PRSS41: variants seen among roughly 807,000 people sequenced by gnomAD.
The protein encoded by PRSS41 is protease, serine 41.
A neutral mutation model predicts 28.8 loss-of-function variants in PRSS41; 37 were observed. The observed-to-expected ratio is 1.29, with a 90% confidence interval of 0.99 to 1.69. The LOEUF is 1.69. PRSS41 is among the 40% of genes most tolerant of loss of function. The probability of loss-of-function intolerance (pLI) is 0.00; values close to 1 mark genes in which losing one functional copy is unlikely to be tolerated. For missense variants in PRSS41, 431 were observed against 400.7 expected, an observed-to-expected ratio of 1.08 and a Z score of -0.65; for synonymous variants, 195 against 163.1, an observed-to-expected ratio of 1.20 and a Z score of -1.49.
At position 2,800,466 on chromosome 16, in the gene PRSS41, G is replaced by A. The variant is rs536045857; in HGVS notation, c.541+897G>A. ...TGAGGCAGGAGAATCGCTTGAACCC[G>A]TGAGGGGCAGAGGTTTCAGCGAGCC... On this transcript the variant is annotated intron_variant, in intron 4 of 5. Transcript: ENST00000399677. Among the ~76,000 whole-genome samples the A allele has an allele frequency of 1.5e-3, 221 of 150,392 alleles. 7 individuals carry two copies. The South Asian group carries it at 0.037, about 25-fold the overall frequency.
chr16:2,804,939 G>C (rs764218060), exon 6 of PRSS41: 1 of 1,588,138 alleles, frequency 6.3e-7, no homozygotes, highest in Admixed American at 1.8e-5. Context: ...CCCTTGGTCT[G>C]TGACAAGGAT....
chr16:2,799,356 C>T (rs966690960), exon 4 of PRSS41: 17 of 1,551,812 alleles, frequency 1.1e-5, no homozygotes, highest in East Asian at 2.4e-5. Flanking sequence ...TTGGAACCTG[C>T]GGGCCTACAG....
intron 4 of PRSS41, 150 bp from the exon 5 acceptor site, chr16:2,804,239 T>G (rs1333172512): frequency 1.5e-5 from 11 of 717,608 alleles, no homozygotes; most frequent in Non-Finnish European, 4.5e-6. Flanking sequence ...TTTGATGCAC[T>G]GGGTGCTGGG....
chr16:2,802,554 G>A (rs2068996147), intron 4 of PRSS41, among the ~76,000 whole-genome samples: 2 of 152,162 alleles, frequency 1.3e-5, no homozygotes, highest in Admixed American at 6.5e-5. Context: ...AGGTTGTAGC[G>A]AGCCGAGATC....
At chr16:2,799,627 T>C in intron 4 of PRSS41, 58 bp downstream of exon 4, 1 of 1,497,262 alleles carries the variant, frequency 6.7e-7, no homozygotes, top group Non-Finnish European at 9.0e-7. Context: ...CATTACCCTC[T>C]ACCCCTGTTC....
At chr16:2,802,252 G>A (rs1197918306) in intron 4 of PRSS41, among the ~76,000 whole-genome samples, 1 of 150,570 alleles carries the variant, frequency 6.6e-6, no homozygotes, top group Non-Finnish European at 1.5e-5. Context: ...TGGGGCGGCG[G>A]GGCAGAGGCG....
chr16:2,804,637 A>C, intron 5 of PRSS41, 91 bp downstream of exon 5: 1 of 1,252,238 alleles, frequency 8.0e-7, no homozygotes, highest in Non-Finnish European at 1.1e-6. Flanking sequence ...CTCCCAACCC[A>C]TTGCTTAGAT....
exon 5 of PRSS41, chr16:2,804,506 T>G (rs61747737): frequency 0.074 from 114,278 of 1,551,162 alleles, 4,919 homozygotes; most frequent in Non-Finnish European, 0.087. Flanking sequence ...GATTCCATGT[T>G]TTGTGCTGGT....
chr16:2,804,983 G>A, exon 6 of PRSS41: 4 of 1,585,340 alleles, frequency 2.5e-6, no homozygotes, highest in South Asian at 1.2e-5. Context: ...CGTGAGCTGG[G>A]GAATGGACTG....
intron 2 of PRSS41, 80 bp from the exon 3 acceptor site, chr16:2,798,879 C>T (rs929598789): frequency 2.8e-6 from 4 of 1,424,466 alleles, no homozygotes; most frequent in Non-Finnish European, 1.8e-6. Context: ...CTGCGCGCAC[C>T]CCGGGGCAAA....
chr16:2,799,387 A>G, exon 4 of PRSS41: 1 of 1,552,042 alleles, frequency 6.4e-7, no homozygotes. Flanking sequence ...AAAGTGCAGG[A>G]CATCATTGTG....
At position 2,801,929 on chromosome 16, in the gene PRSS41, G is replaced by A. The variant is rs1327769922; in HGVS notation, c.541+2360G>A. ...CCAGTAGGGGCGGCCGGGCAGAGGC[G>A]CCCCTCACCTCCCGGACGGGGCGGC... On this transcript the variant is annotated intron_variant, in intron 4 of 5. Transcript: ENST00000399677. 4.3e-3 allele frequency among the ~76,000 whole-genome samples: 638 copies of A among 148,856 alleles called. 4 individuals are homozygous for A. The highest frequency in any genetic ancestry group is 0.015 in the African/African-American group (604 of 40,388).
At chr16:2,801,270 A>G (rs1185161786) in intron 4 of PRSS41, among the ~76,000 whole-genome samples, 1 of 151,750 alleles carries the variant, frequency 6.6e-6, no homozygotes, top group East Asian at 1.9e-4. Flanking sequence ...GAAGATATTT[A>G]TGATTGGTAT....
exon 4 of PRSS41, chr16:2,799,393 T>C (rs748105563): frequency 6.4e-6 from 10 of 1,551,960 alleles, no homozygotes; most frequent in Admixed American, 3.9e-5. Context: ...CAGGACATCA[T>C]TGTGAACCCT....
At chr16:2,803,767 T>C (rs2069003924) in intron 4 of PRSS41, among the ~76,000 whole-genome samples, 1 of 152,252 alleles carries the variant, frequency 6.6e-6, no homozygotes, top group African/African-American at 2.4e-5. Flanking sequence ...TTTGGTTATC[T>C]GAGAATGTCT....
chr16:2,801,960 G>T (rs1445483888), intron 4 of PRSS41, among the ~76,000 whole-genome samples: 2 of 148,714 alleles, frequency 1.3e-5, no homozygotes, highest in African/African-American at 2.5e-5. Context: ...GCGGCTGGCC[G>T]GGCGGGGGGC....
At chr16:2,800,293 C>T (rs2068977498) in intron 4 of PRSS41, among the ~76,000 whole-genome samples, 1 of 152,176 alleles carries the variant, frequency 6.6e-6, no homozygotes, top group Admixed American at 6.5e-5. Context: ...ATAATCCCAG[C>T]ACTTTGGGAG....
At chr16:2,805,238 A>G (rs2069014379) in exon 6 of PRSS41, 1 of 842,124 alleles carries the variant, frequency 1.2e-6, no homozygotes, top group African/African-American at 1.7e-5. Context: ...CAGGGTTGGG[A>G]CTGCCTGCTG....
chr16:2,802,506 G>T (rs535965882), intron 4 of PRSS41, among the ~76,000 whole-genome samples: 4 of 151,994 alleles, frequency 2.6e-5, no homozygotes, highest in South Asian at 4.2e-4. Flanking sequence ...CTGCAATCTC[G>T]GCACTTTGGG....
Sources: gnomAD v4.1 joint callset for allele counts (sites outside exome capture counted in the v4.1 genomes callset) on GRCh38, gnomAD v4.1.1 for gene constraint, MANE v1.5 for transcripts, NCBI Gene and HGNC (gene_info 2026-07-23, HGNC 2026-07-21) for gene names.